The following ARID1B variants were observed in gnomAD, a reference collection of about 807,000 sequenced individuals.
ARID1B encodes AT-rich interaction domain 1B.
A neutral mutation model predicts 212.3 loss-of-function variants in ARID1B; 30 were observed. That is an observed-to-expected ratio of 0.14 (90% CI 0.11 to 0.19). ARID1B has a LOEUF of 0.19. Ranked by LOEUF, ARID1B falls within the 10% of genes least tolerant of loss-of-function variation. The probability of loss-of-function intolerance (pLI) is 1.00; values close to 1 mark genes in which losing one functional copy is unlikely to be tolerated. For synonymous variants in ARID1B, 1,402 were observed against 1,301.7 expected, an observed-to-expected ratio of 1.08 and a Z score of -1.66; for missense variants, 2,891 against 3,204.0, an observed-to-expected ratio of 0.90 and a Z score of 2.36.
At chr6:157,084,448 T>C (rs544706411) in intron 4 of ARID1B, among the ~76,000 whole-genome samples, 8 of 152,260 alleles carry the variant, frequency 5.3e-5, no homozygotes, top group Admixed American at 5.2e-4. Flanking sequence ...AGTACAACTT[T>C]ACTCATTTTT....
In ARID1B at chr6:156,896,576, C is replaced by CAAAAAAAAAAAAA. The variant is rs72490811; in HGVS notation, c.1987-4788_1987-4776dup. Among the ~76,000 whole-genome samples, 26 of 45,910 alleles carry CAAAAAAAAAAAAA rather than the reference C, an allele frequency of 5.7e-4. 1 individual carries two copies. Among genetic ancestry groups the CAAAAAAAAAAAAA allele is most frequent in the African/African-American group, 2.5e-3 (24 of 9,420 alleles). 30.1% of individuals were successfully genotyped at this position (45,910 alleles called of 152,430 possible). ...GGGCAACAAGAGCAAAACTGCGTCTCAAAAAAAAAAAAAAAAAAAAAAAAG... is the reference window on the plus strand; with the variant it reads ...GGGCAACAAGAGCAAAACTGCGTCTCAAAAAAAAAAAAAAAAAAAAAAAAAAAAAAAAAAAAAG... On this transcript the variant is annotated intron_variant, in intron 2 of 19. Transcript: ENST00000636930.
At chr6:156,825,005 C>T (rs1199822932) in intron 1 of ARID1B, among the ~76,000 whole-genome samples, 1 of 152,008 alleles carries the variant, frequency 6.6e-6, no homozygotes, top group Non-Finnish European at 1.5e-5. Context: ...GCTGGGATTA[C>T]AGGTGCCCGC....
rs2128046197 is a variant in ARID1B, at chr6:156,829,290, C to T, written c.1855C>T (p.His619Tyr). 1.9e-6 allele frequency: 3 copies of T among 1,614,218 alleles called. No homozygotes were observed. Among genetic ancestry groups the T allele is most frequent in the Non-Finnish European group, 2.5e-6 (3 of 1,180,026 alleles). Residue 619 changes from histidine (H) to tyrosine (Y), a missense_variant, in exon 2 of 20, where the codon CAT becomes TAT. Physicochemically the swap from His to Tyr is moderately conservative, Grantham distance 83 (BLOSUM62 2). Transcript: ENST00000636930. Reference protein sequence around the residue: ...PQLYGMGSNPHSQPQQSSPYP... With the variant: ...PQLYGMGSNPYSQPQQSSPYP... ...GTTGTATGGCATGGGCAGTAACCCT[C>T]ATTCTCAGCCTCAGCAGAGCAGTCC...
At chr6:156,977,372 C>G (rs758247258) in intron 4 of ARID1B, among the ~76,000 whole-genome samples, 66 of 148,378 alleles carry the variant, frequency 4.4e-4, no homozygotes, top group Non-Finnish European at 8.6e-4. Flanking sequence ...TTTATTTTTC[C>G]TTTGTGGGCT....
In ARID1B at chr6:156,966,711, T is replaced by G. The variant is rs550078593; in HGVS notation, c.2247+31135T>G. Among the ~76,000 whole-genome samples the G allele has an allele frequency of 8.7e-5, 13 of 148,772 alleles. 1 individual carries two copies. The South Asian group carries it at 1.3e-3, about 15-fold the overall frequency. ...CGCCTGGCCATAAATAACTTTGTTT[T>G]TTTGCTTTGAGACGGAGTCTCGCTC... On this transcript the variant is annotated intron_variant, in intron 4 of 19. Coordinates refer to ENST00000636930, the MANE Select transcript of ARID1B (RefSeq NM_001374828.1).
At chr6:157,102,042 A>T (rs1290265608) in intron 5 of ARID1B, among the ~76,000 whole-genome samples, 1 of 152,216 alleles carries the variant, frequency 6.6e-6, no homozygotes, top group Non-Finnish European at 1.5e-5. Flanking sequence ...TACTGGAGAT[A>T]ATGCAGTATT....
At chr6:157,051,601 T>C (rs908334798) in intron 4 of ARID1B, among the ~76,000 whole-genome samples, 2 of 152,240 alleles carry the variant, frequency 1.3e-5, no homozygotes, top group Non-Finnish European at 2.9e-5. Flanking sequence ...TTTTATAGTT[T>C]GTATCTTTTG....
intron 1 of ARID1B, among the ~76,000 whole-genome samples, chr6:156,825,065 G>C (rs894941973): frequency 3.3e-5 from 5 of 152,030 alleles, no homozygotes; most frequent in African/African-American, 1.2e-4. Flanking sequence ...GGATTTCACC[G>C]TGTTGCTCAG....
At chr6:156,830,343 C>T (rs1009540855) in intron 2 of ARID1B, among the ~76,000 whole-genome samples, 1 of 152,166 alleles carries the variant, frequency 6.6e-6, no homozygotes, top group African/African-American at 2.4e-5. Context: ...CGTCGGTAAC[C>T]CACAACAGGG....
At chr6:156,952,616 G>T (rs1200340764) in intron 4 of ARID1B, among the ~76,000 whole-genome samples, 1 of 152,180 alleles carries the variant, frequency 6.6e-6, no homozygotes, top group Non-Finnish European at 1.5e-5. Flanking sequence ...CAGGGATCTT[G>T]ACACCAGCCC....
At chr6:156,914,332 C>T (rs1229809174) in intron 3 of ARID1B, among the ~76,000 whole-genome samples, 1 of 152,234 alleles carries the variant, frequency 6.6e-6, no homozygotes, top group Non-Finnish European at 1.5e-5. Flanking sequence ...GTTATTCAGC[C>T]TGATGGGTGA....
chr6:157,197,065 T>G (rs1390387256), intron 16 of ARID1B, among the ~76,000 whole-genome samples: 1 of 152,214 alleles, frequency 6.6e-6, no homozygotes, highest in Non-Finnish European at 1.5e-5. Context: ...TAGGGTAGGC[T>G]TCTTTTTGTG....
chr6:156,905,293 A>G (rs913147372), intron 3 of ARID1B, among the ~76,000 whole-genome samples: 3 of 110,336 alleles, frequency 2.7e-5, no homozygotes, highest in East Asian at 2.1e-4. Context: ...GATTTATTAT[A>G]AGGAATTGGC....
At chr6:156,933,332 G>T (rs1462350972) in intron 3 of ARID1B, among the ~76,000 whole-genome samples, 3 of 152,208 alleles carry the variant, frequency 2.0e-5, no homozygotes, top group Non-Finnish European at 1.5e-5. Context: ...CCATTGTGAG[G>T]CTGTCCTGCA....
At chr6:156,894,150 T>C (rs1788184946) in intron 2 of ARID1B, among the ~76,000 whole-genome samples, 4 of 152,114 alleles carry the variant, frequency 2.6e-5, no homozygotes, top group Admixed American at 2.0e-4. Flanking sequence ...GAATACGTTA[T>C]GCTAACTCAG....
chr6:156,843,781 T>G (rs1409814577), intron 2 of ARID1B, among the ~76,000 whole-genome samples: 1 of 152,250 alleles, frequency 6.6e-6, no homozygotes, highest in Admixed American at 6.5e-5. Flanking sequence ...TTTGACAGTT[T>G]GCTCACTTAG....
chr6:157,046,160 T>G (rs912590961), intron 4 of ARID1B, among the ~76,000 whole-genome samples: 2 of 151,786 alleles, frequency 1.3e-5, no homozygotes, highest in Non-Finnish European at 2.9e-5. Context: ...TTGATACAGT[T>G]TTCTTTGTTA....
chr6:157,043,682 T>G (rs1304700275), intron 4 of ARID1B, among the ~76,000 whole-genome samples: 1 of 152,228 alleles, frequency 6.6e-6, no homozygotes, highest in East Asian at 1.9e-4. Context: ...TACTGTGTTC[T>G]TCTGTATTCT....
chr6:156,817,391 T>C (rs1357817485), intron 1 of ARID1B, among the ~76,000 whole-genome samples: 1 of 151,868 alleles, frequency 6.6e-6, no homozygotes, highest in African/African-American at 2.4e-5. Flanking sequence ...ATCCCAGCAC[T>C]TTGGGAGGCT....
Sources: gnomAD v4.1 joint callset for allele counts (sites outside exome capture counted in the v4.1 genomes callset) on GRCh38, gnomAD v4.1.1 for gene constraint, MANE v1.5 for transcripts, NCBI Gene and HGNC (gene_info 2026-07-23, HGNC 2026-07-21) for gene names.